Variants in PCDHGA7 observed in about 807,000 individuals in gnomAD.
PCDHGA7 encodes the protein protocadherin gamma-A7.
A neutral mutation model predicts 58.3 loss-of-function variants in PCDHGA7; 44 were observed. The ratio of observed to expected loss-of-function variants is 0.75; its 90% CI spans 0.59 to 0.97. The LOEUF (loss-of-function observed/expected upper bound fraction) is 0.97. Ranked by LOEUF, PCDHGA7 falls within the 50% of genes least tolerant of loss-of-function variation. The probability of loss-of-function intolerance (pLI) is 0.00; values close to 1 mark genes in which losing one functional copy is unlikely to be tolerated. For missense variants in PCDHGA7, 1,266 were observed against 1,188.7 expected (o/e 1.06, Z -0.96); for synonymous variants, 516 against 504.2 (o/e 1.02, Z -0.31).
At chr5:141,426,678 T>C (rs2096951425) in intron 1 of PCDHGA7, 2 of 431,490 alleles carry the variant, frequency 4.6e-6, no homozygotes, top group Admixed American at 5.1e-5. Flanking sequence ...CCCACCTCAT[T>C]TTCCCCAAAA....
chr5:141,509,273 C>T (rs1026035086), intron 3 of PCDHGA7, among the ~76,000 whole-genome samples: 1 of 152,098 alleles, frequency 6.6e-6, no homozygotes, highest in Admixed American at 6.5e-5. Flanking sequence ...CTCTCGCTAC[C>T]CGCTCCCAGG....
At chr5:141,461,966 G>A (rs2099027516) in intron 1 of PCDHGA7, among the ~76,000 whole-genome samples, 1 of 152,162 alleles carries the variant, frequency 6.6e-6, no homozygotes, top group African/African-American at 2.4e-5. Context: ...TGGGATTCCA[G>A]GCATATGCCA....
At chr5:141,430,682 C>A (rs2097302907) in intron 1 of PCDHGA7, 1 of 1,361,564 alleles carries the variant, frequency 7.3e-7, no homozygotes, top group South Asian at 1.7e-5. Flanking sequence ...CCAACTGTCC[C>A]ATTCTATGGG....
rs769607720 is a variant in PCDHGA7 at position 141,489,346 on chromosome 5, G to A, written c.2425-5461G>A. 4 of 1,611,652 alleles carry A rather than the reference G, an allele frequency of 2.5e-6. No individual in the cohort carries two copies. The highest frequency in any genetic ancestry group is 3.4e-6 in the Non-Finnish European group (4 of 1,178,446). On this transcript the variant is annotated intron_variant, in intron 1 of 3. Transcript: ENST00000518325. The surrounding 1 kb of genome is among the most constrained non-coding windows in gnomAD (Gnocchi z 4.5). Reference sequence around the variant, plus strand: ...GTCTGGGCAGCTTCGTTACTCAGTGGTGGAGGAGTCTGAGCCGGGGACGCT... The same window carrying A: ...GTCTGGGCAGCTTCGTTACTCAGTGATGGAGGAGTCTGAGCCGGGGACGCT...
intron 1 of PCDHGA7, chr5:141,478,884 C>T (rs767294994): frequency 9.2e-5 from 110 of 1,194,180 alleles, no homozygotes; most frequent in Non-Finnish European, 1.2e-4. Context: ...AGCTTGGTAT[C>T]ATTTACATTA....
intron 1 of PCDHGA7, chr5:141,419,113 C>A: frequency 6.2e-7 from 1 of 1,613,872 alleles, no homozygotes; most frequent in Non-Finnish European, 8.5e-7. Flanking sequence ...CCCCAGAGTA[C>A]AACGTCACCA....
chr5:141,454,691 C>T (rs745856768), intron 1 of PCDHGA7, among the ~76,000 whole-genome samples: 5 of 152,038 alleles, frequency 3.3e-5, no homozygotes, highest in Non-Finnish European at 5.9e-5. Flanking sequence ...CAGGCATGAG[C>T]CACCATGCTC....
At chr5:141,394,290 G>C (rs759077173) in intron 1 of PCDHGA7, 5 of 1,613,918 alleles carry the variant, frequency 3.1e-6, no homozygotes, top group Admixed American at 1.7e-5. Context: ...CTCTGTGACC[G>C]AGGACACGCT....
intron 1 of PCDHGA7, among the ~76,000 whole-genome samples, chr5:141,474,312 T>G (rs1358237994): frequency 6.6e-6 from 1 of 152,228 alleles, no homozygotes; most frequent in African/African-American, 2.4e-5. Flanking sequence ...AACTTTAATG[T>G]GTTTTCAAAT....
At chr5:141,509,631 C>A (rs1250891268) in intron 3 of PCDHGA7, among the ~76,000 whole-genome samples, 1 of 152,200 alleles carries the variant, frequency 6.6e-6, no homozygotes, top group East Asian at 1.9e-4. Flanking sequence ...CTGGGTGATG[C>A]TGAGCCAGGG....
intron 1 of PCDHGA7, chr5:141,395,376 T>G (rs1589259426): frequency 1.7e-6 from 2 of 1,180,196 alleles, no homozygotes; most frequent in East Asian, 5.2e-5. Flanking sequence ...TTTGGTGGTG[T>G]TACTATAAAA....
intron 1 of PCDHGA7, chr5:141,395,272 G>C (rs750503990): frequency 6.5e-7 from 1 of 1,544,348 alleles, no homozygotes; most frequent in Admixed American, 2.1e-5. Context: ...TTAATTTCCA[G>C]ATGAATTTTA....
At chr5:141,393,406 G>A (rs762034418) in intron 1 of PCDHGA7, 1 of 1,614,026 alleles carries the variant, frequency 6.2e-7, no homozygotes, top group Admixed American at 1.7e-5. Flanking sequence ...GTGCTGGAGC[G>A]CGCCCTGGAC....
At chr5:141,427,958 G>A (rs1266312663) in intron 1 of PCDHGA7, 3 of 1,588,290 alleles carry the variant, frequency 1.9e-6, no homozygotes, top group Admixed American at 1.7e-5. Context: ...ACAATGTGCC[G>A]CGGGTGCTGT....
intron 1 of PCDHGA7, chr5:141,410,640 G>T: frequency 1.3e-6 from 2 of 1,599,058 alleles, no homozygotes; most frequent in Non-Finnish European, 1.7e-6. Flanking sequence ...TCTTTTTTGT[G>T]TGTGATTTAT....
chr5:141,430,930 G>A, intron 1 of PCDHGA7: 2 of 1,607,320 alleles, frequency 1.2e-6, no homozygotes, highest in Non-Finnish European at 1.7e-6. Context: ...TGGAGCCCCG[G>A]GAGCTCGCGG....
At position 141,438,243 on chromosome 5, in the gene PCDHGA7, A is replaced by C. The variant is rs1445738408; in HGVS notation, c.2424+52920A>C. ...TGGTTCAGGAAAATGTTTTTAAAAA[A>C]CTGTCATTGAAGAGACCATAGAATC... On this transcript the variant is annotated intron_variant, in intron 1 of 3. Coordinates refer to ENST00000518325, the MANE Select transcript of PCDHGA7 (RefSeq NM_018920.4). Among the ~76,000 whole-genome samples, 3 of 152,250 alleles carry C rather than the reference A, an allele frequency of 2.0e-5. No individual in the cohort carries two copies. In the East Asian group the frequency reaches 5.8e-4, roughly 29 times the overall value.
chr5:141,510,323 C>A (rs1173679711), intron 3 of PCDHGA7, among the ~76,000 whole-genome samples: 1 of 151,234 alleles, frequency 6.6e-6, no homozygotes, highest in East Asian at 2.0e-4. Flanking sequence ...TGGAAGAGCA[C>A]TCTTCACCCC....
At chr5:141,397,753 A>G (rs1052800196) in intron 1 of PCDHGA7, among the ~76,000 whole-genome samples, 9 of 152,266 alleles carry the variant, frequency 5.9e-5, no homozygotes, top group African/African-American at 9.6e-5. Flanking sequence ...AGAAGTTGTT[A>G]TAATTTTTTA....
Sources: gnomAD v4.1 joint callset for allele counts (sites outside exome capture counted in the v4.1 genomes callset) on GRCh38, gnomAD v4.1.1 for gene constraint, Gnocchi (gnomAD v3.1) non-coding constraint, MANE v1.5 for transcripts, NCBI Gene and HGNC (gene_info 2026-07-23, HGNC 2026-07-21) for gene names.